MMP26: variants seen among roughly 807,000 people sequenced by gnomAD.
MMP26 encodes the protein matrix metallopeptidase 26.
Under a neutral mutation model 31.0 loss-of-function variants are expected in MMP26, and 33 were observed. The ratio of observed to expected loss-of-function variants is 1.06; its 90% CI spans 0.81 to 1.42. MMP26 has a LOEUF of 1.42. Among genes scored for constraint, MMP26 ranks in the 40% most tolerant of loss-of-function variants. The probability of loss-of-function intolerance (pLI) is 0.00; values close to 1 mark genes in which losing one functional copy is unlikely to be tolerated. For synonymous variants in MMP26, 122 were observed against 114.9 expected (o/e 1.06, Z -0.40); for missense variants, 347 against 316.1 (o/e 1.10, Z -0.74).
chr11:4,817,502 G>A (rs908511135), intron 2 of MMP26, among the ~76,000 whole-genome samples: 1 of 152,074 alleles, frequency 6.6e-6, no homozygotes, highest in African/African-American at 2.4e-5. Context: ...TGGAAGGATT[G>A]CTTGGGCCTG....
Position 4,988,141 on chromosome 11 carries a change from C to T in MMP26, c.-71C>T. The T allele has an allele frequency of 7.4e-7, 1 of 1,351,382 alleles. No homozygotes were observed. The highest frequency in any genetic ancestry group is 1.1e-6 in the Non-Finnish European group (1 of 940,846). 83.7% of individuals were successfully genotyped at this position (1,351,382 alleles called of 1,614,324 possible). A position where few individuals can be genotyped will look rare whatever the true frequency, so the allele number is the denominator to read the frequency against. Reference sequence around the variant, plus strand: ...AGAGTGAGTCATTGGATGTTGCTGGCACAGCTATAAAGATCCAGTGGCCCA... The same window carrying T: ...AGAGTGAGTCATTGGATGTTGCTGGTACAGCTATAAAGATCCAGTGGCCCA... On this transcript the variant is annotated 5_prime_UTR_variant, in exon 3 of 8. Coordinates refer to ENST00000380390, the MANE Select transcript of MMP26 (RefSeq NM_021801.5).
intron 2 of MMP26, among the ~76,000 whole-genome samples, chr11:4,968,080 CT>C (rs936816568): frequency 1.3e-5 from 2 of 151,966 alleles, no homozygotes; most frequent in Non-Finnish European, 2.9e-5. Context: ...CCATTCAGTT[CT>C]AAAGATCCAA....
chr11:4,989,977 GC>G (rs1188187960), intron 4 of MMP26, 109 bp downstream of exon 4: 2 of 882,850 alleles, frequency 2.3e-6, no homozygotes, highest in Admixed American at 4.9e-5. Flanking sequence ...TTCATTGGCA[GC>G]CCGCTCAAAG....
chr11:4,730,711 G>T (rs1397940214), intron 1 of MMP26, among the ~76,000 whole-genome samples: 1 of 152,046 alleles, frequency 6.6e-6, no homozygotes, highest in Non-Finnish European at 1.5e-5. Flanking sequence ...GAATCACACT[G>T]GTCCACCATA....
intron 2 of MMP26, among the ~76,000 whole-genome samples, chr11:4,833,871 T>A (rs1333706633): frequency 1.3e-5 from 2 of 152,170 alleles, no homozygotes; most frequent in East Asian, 1.9e-4. Flanking sequence ...CAGGCCCATA[T>A]GTATTTCCAC....
intron 2 of MMP26, among the ~76,000 whole-genome samples, chr11:4,783,529 G>T (rs1848894161): frequency 6.6e-6 from 1 of 152,166 alleles, no homozygotes; most frequent in African/African-American, 2.4e-5. Context: ...TTGGACTGTG[G>T]ACTTTTGAGT....
chr11:4,949,713 T>A (rs1465355555), intron 2 of MMP26, among the ~76,000 whole-genome samples: 1 of 122,516 alleles, frequency 8.2e-6, no homozygotes, highest in Admixed American at 9.1e-5. Context: ...AAATCAGAAA[T>A]GAATAAAATA....
At chr11:4,728,743 T>G (rs1191475932) in intron 1 of MMP26, among the ~76,000 whole-genome samples, 1 of 152,118 alleles carries the variant, frequency 6.6e-6, no homozygotes, top group Non-Finnish European at 1.5e-5. Context: ...TAAACACTAT[T>G]CTGAAAGTGG....
intron 2 of MMP26, among the ~76,000 whole-genome samples, chr11:4,956,447 T>A (rs555526017): frequency 6.6e-6 from 1 of 152,316 alleles, no homozygotes; most frequent in African/African-American, 2.4e-5. Flanking sequence ...ACACCTGTAA[T>A]AAGGGATGAT....
At chr11:4,899,538 C>T (rs1403687036) in intron 2 of MMP26, among the ~76,000 whole-genome samples, 1 of 152,158 alleles carries the variant, frequency 6.6e-6, no homozygotes, top group Non-Finnish European at 1.5e-5. Flanking sequence ...TATAGAATGA[C>T]CTTTTCAGGC....
Position 4,775,669 on chromosome 11 carries a change from C to T in MMP26, c.-145+8328C>T, listed in dbSNP as rs573597279. Among the ~76,000 whole-genome samples, 5 of 151,970 alleles carry T rather than the reference C, an allele frequency of 3.3e-5. No individual in the cohort carries two copies. The East Asian group carries it at 9.7e-4, about 29-fold the overall frequency. ...TCAGCTCAGCTTCTGGTGAGGGCCT[C>T]ATGTTGCTTCCACTCATGGCTGAAA... On this transcript the variant is annotated intron_variant, in intron 2 of 7. Coordinates refer to ENST00000380390, the MANE Select transcript of MMP26 (RefSeq NM_021801.5).
chr11:4,958,227 C>G, intron 2 of MMP26, among the ~76,000 whole-genome samples: 1 of 152,198 alleles, frequency 6.6e-6, no homozygotes, highest in East Asian at 1.9e-4. Flanking sequence ...TTCTTAAAGC[C>G]CTTGTGCTCT....
At chr11:4,886,084 G>C (rs1236598689) in intron 2 of MMP26, among the ~76,000 whole-genome samples, 2 of 151,968 alleles carry the variant, frequency 1.3e-5, no homozygotes, top group African/African-American at 4.8e-5. Context: ...GCATGTCATG[G>C]TTTTTGCTAC....
chr11:4,852,346 C>T lies in MMP26; in HGVS notation c.-145+85005C>T, dbSNP rs374734056. ...AAATCTTTTGAAAAACACCATGAAT[C>T]GGAAATGACATTTATATAATACTCT... is the stretch of plus-strand genomic sequence containing the variant. On this transcript the variant is annotated intron_variant, in intron 2 of 7. Transcript: ENST00000380390. Among the ~76,000 whole-genome samples the T allele has an allele frequency of 8.6e-4, 130 of 152,040 alleles. 1 individual carries two copies. In the Middle Eastern group the frequency reaches 0.017, roughly 20 times the overall value.
chr11:4,840,091 C>G (rs1849773634), intron 2 of MMP26, among the ~76,000 whole-genome samples: 1 of 152,058 alleles, frequency 6.6e-6, no homozygotes, highest in African/African-American at 2.4e-5. Context: ...GGTCCTTTGC[C>G]TTTGAAAAGT....
chr11:4,875,439 C>G (rs1161511544), intron 2 of MMP26: 1 of 152,056 alleles, frequency 6.6e-6, no homozygotes, highest in Non-Finnish European at 1.5e-5. Flanking sequence ...CAAATTGGGT[C>G]TCACTGGGCT....
chr11:4,746,028 C>G (rs1359496274), intron 1 of MMP26, among the ~76,000 whole-genome samples: 1 of 152,146 alleles, frequency 6.6e-6, no homozygotes, highest in East Asian at 1.9e-4. Context: ...ATGTGTTTGG[C>G]CTTGTACTAT....
chr11:4,955,726 G>A (rs1351743068), intron 2 of MMP26: 2 of 1,569,688 alleles, frequency 1.3e-6, no homozygotes, highest in Non-Finnish European at 8.7e-7. Context: ...TTCATTCATA[G>A]GGCTCTGCTA....
chr11:4,880,023 A>G (rs1053431562), intron 2 of MMP26, among the ~76,000 whole-genome samples: 17 of 152,126 alleles, frequency 1.1e-4, no homozygotes, highest in Admixed American at 9.8e-4. Context: ...CTCCAGGGCT[A>G]GGGCTCTTCT....
Sources: allele counts gnomAD v4.1 joint callset (sites outside exome capture counted in the v4.1 genomes callset), GRCh38; gene constraint gnomAD v4.1.1; transcripts MANE v1.5; gene names NCBI Gene and HGNC (gene_info 2026-07-23, HGNC 2026-07-21).